Variants in SCAMP3 observed in about 807,000 individuals in gnomAD.
The protein encoded by SCAMP3 is secretory carrier membrane protein 3.
In SCAMP3, 30 loss-of-function variants were observed where a neutral mutation model predicts 44.1. That is an observed-to-expected ratio of 0.68 (90% CI 0.51 to 0.92). The LOEUF (loss-of-function observed/expected upper bound fraction) is 0.92, where lower values mean the gene tolerates loss of function less well. Among genes scored for constraint, SCAMP3 ranks in the 40% least tolerant of loss-of-function variants. SCAMP3 has a pLI of 0.00. For synonymous variants in SCAMP3, 168 were observed against 171.1 expected, an observed-to-expected ratio of 0.98 and a Z score of 0.14; for missense variants, 394 against 440.0, an observed-to-expected ratio of 0.90 and a Z score of 0.93.
Position 155,256,292 on chromosome 1 carries a change from T to C in SCAMP3, c.1025A>G (p.Asn342Ser). 6.3e-7 allele frequency: 1 copy of C among 1,582,482 alleles called. No homozygotes were observed. The highest frequency in any genetic ancestry group is 8.6e-7 in the Non-Finnish European group (1 of 1,159,954). ...CAGGGGTCACGGGGCCCGGAAGGCA[T>C]TTTCAGCAGCCCCAGCGGCTGCATT... Reference protein sequence around the residue: ...AANAAAGAAENAFRAP With the variant: ...AANAAAGAAESAFRAP The change falls in exon 9 of 9, where the codon AAT becomes AGT. Residue 342 changes from asparagine (N) to serine (S), a missense_variant. Asn to Ser is a conservative substitution (Grantham distance 46, BLOSUM62 1). Coordinates refer to ENST00000302631, the MANE Select transcript of SCAMP3 (RefSeq NM_005698.4).
intron 4 of SCAMP3, among the ~76,000 whole-genome samples, chr1:155,259,166 C>CTT (rs1165041017): frequency 1.5e-4 from 18 of 121,672 alleles, no homozygotes; most frequent in South Asian, 2.6e-4. Context: ...CCCACCTCAG[C>CTT]TTTTTTTTTT....
chr1:155,260,466 A>C lies in SCAMP3; in HGVS notation c.268-16T>G, dbSNP rs1455877667. 1 of 1,614,056 alleles carries C rather than the reference A, an allele frequency of 6.2e-7. No homozygotes were observed. The highest frequency in any genetic ancestry group is 8.5e-7 in the Non-Finnish European group (1 of 1,180,036). The stretch of plus-strand genomic sequence containing the variant: ...CAGCTGAGGCCTGCCCAGTGTGAGC[A>C]GACGGAGATGTGAGCCCTGGGCCCC... On this transcript the variant is annotated splice_polypyrimidine_tract_variant and intron_variant, in intron 3 of 8. Transcript: ENST00000302631.
chr1:155,262,113 C>G lies in SCAMP3; in HGVS notation c.39G>C (p.Glu13Asp). The change falls in exon 1 of 9, where the codon GAG (glutamate) becomes GAC (aspartate). Residue 13 changes from glutamate (E) to aspartate (D), a missense_variant. By Grantham distance (45) the Glu-to-Asp change is conservative (BLOSUM62 2). Coordinates refer to ENST00000302631, the MANE Select transcript of SCAMP3 (RefSeq NM_005698.4). Reference protein sequence around the residue: ...QSRDGGNPFAEPSELDNPFQD... With the variant: ...QSRDGGNPFADPSELDNPFQD... Reference sequence around the variant, plus strand: ...GAAAGGGGTTGTCAAGCTCGCTGGGCTCGGCGAACGGGTTTCCGCCGTCTC... The same window carrying G: ...GAAAGGGGTTGTCAAGCTCGCTGGGGTCGGCGAACGGGTTTCCGCCGTCTC... The G allele has an allele frequency of 1.2e-6, 2 of 1,614,164 alleles. No homozygotes were observed. Among genetic ancestry groups the G allele is most frequent in the Non-Finnish European group, 1.7e-6 (2 of 1,180,024 alleles).
At chr1:155,257,166 A>G (rs1186682371) in intron 7 of SCAMP3, 119 bp downstream of exon 7, 3 of 690,838 alleles carry the variant, frequency 4.3e-6, no homozygotes, top group Non-Finnish European at 7.6e-6. Flanking sequence ...GTATCTCATT[A>G]AACTAGTACC....
In SCAMP3 at chr1:155,261,653, T is replaced by A. The variant is rs781458671; in HGVS notation, c.144+4A>T. ...TTGAACTCCTATGCTCTCCAGTAGC[T>A]CACCTCCCGGGTCTCAAAAGGGTTG... On this transcript the variant is annotated splice_donor_region_variant and intron_variant, in intron 2 of 8. Transcript: ENST00000302631. 1.2e-6 allele frequency: 2 copies of A among 1,613,628 alleles called. No individual in the cohort carries two copies. The highest frequency in any genetic ancestry group is 1.7e-6 in the Non-Finnish European group (2 of 1,179,612).
At position 155,260,395 on chromosome 1, in the gene SCAMP3, C is replaced by T. The variant is rs1360088523; in HGVS notation, c.323G>A (p.Arg108Gln). Residue 108 changes from arginine to glutamine, a missense_variant, in exon 4 of 9, where the codon CGG (arginine) becomes CAG (glutamine). Arg to Gln is a conservative substitution (Grantham distance 43, BLOSUM62 1). Coordinates refer to ENST00000302631, the MANE Select transcript of SCAMP3 (RefSeq NM_005698.4). The part of the protein sequence containing the change: ...ELLKKQEELN[R>Q]KAEELDRRER... ...CCTTCGGTCCAACTCCTCTGCCTTC[C>T]GGTTGAGCTCCTCCTGTTTCTTCAG... 16 of 1,613,972 alleles carry T rather than the reference C, an allele frequency of 9.9e-6. No homozygotes were observed. The highest frequency in any genetic ancestry group is 4.4e-5 in the South Asian group (4 of 91,088).
chr1:155,256,819 G>T, intron 7 of SCAMP3, 28 bp from the exon 8 acceptor site: 1 of 1,573,840 alleles, frequency 6.4e-7, no homozygotes, highest in Non-Finnish European at 8.7e-7. Flanking sequence ...TACCAGTGAA[G>T]AGGGGCTCCT....
intron 2 of SCAMP3, among the ~76,000 whole-genome samples, chr1:155,260,952 G>A (rs1455531385): frequency 6.6e-6 from 1 of 151,516 alleles, no homozygotes; most frequent in African/African-American, 2.4e-5. Flanking sequence ...TGGAGTGTGG[G>A]GTTGTCTCTC....
chr1:155,260,507 C>A, intron 3 of SCAMP3, 30 bp downstream of exon 3: 1 of 1,614,188 alleles, frequency 6.2e-7, no homozygotes, highest in Non-Finnish European at 8.5e-7. Context: ...TGGCCCTTCT[C>A]CCCAGCCCTC....
intron 8 of SCAMP3, 105 bp downstream of exon 8, chr1:155,256,569 C>A: frequency 7.3e-7 from 1 of 1,366,818 alleles, no homozygotes; most frequent in Non-Finnish European, 1.0e-6. Context: ...TAGCTGAGAA[C>A]AACCCAGCAG....
chr1:155,261,691 G>A lies in SCAMP3; in HGVS notation c.110C>T (p.Thr37Met), dbSNP rs1672969181. The change falls in exon 2 of 9, where the codon ACG (threonine) becomes ATG (methionine). Residue 37 changes from threonine to methionine, a missense_variant. Physicochemically the swap from Thr to Met is moderately conservative, Grantham distance 81. Coordinates refer to ENST00000302631, the MANE Select transcript of SCAMP3 (RefSeq NM_005698.4). ...CTCAAAAGGGTTGTAGACGTCAAGC[G>A]TGGCATACTGCCGGCTGGGTCGGTG... ...IQHRPSRQYA[T>M]LDVYNPFETR... The A allele has an allele frequency of 2.5e-6, 4 of 1,614,098 alleles. No homozygotes were observed. The highest frequency in any genetic ancestry group is 3.4e-6 in the Non-Finnish European group (4 of 1,180,024).
intron 2 of SCAMP3, among the ~76,000 whole-genome samples, chr1:155,260,894 A>G (rs1263618358): frequency 6.7e-6 from 1 of 148,662 alleles, no homozygotes; most frequent in African/African-American, 2.5e-5. Context: ...CTCATTTACC[A>G]TATCTCCCCA....
rs1046188 is a variant in SCAMP3 at position 155,262,283 on chromosome 1, C to T, written c.-132G>A. On this transcript the variant is annotated 5_prime_UTR_variant, in exon 1 of 9. The change creates a new upstream start codon in the 5' untranslated region. Coordinates refer to ENST00000302631, the MANE Select transcript of SCAMP3 (RefSeq NM_005698.4). ...CTTCTCTGTGCACGGATTGGTTCCA[C>T]CGACCGGAAGGGCCACAAGGATCCC... 242,507 of 798,370 alleles carry T rather than the reference C, an allele frequency of 0.3. 43,589 individuals carry two copies. The highest frequency in any genetic ancestry group is 0.72 in the East Asian group (26,184 of 36,156). 49.5% of individuals were successfully genotyped at this position (798,370 alleles called of 1,614,324 possible).
Position 155,256,412 on chromosome 1 carries a change from G to A in SCAMP3, c.905C>T (p.Ser302Phe). Residue 302 changes from serine to phenylalanine, a missense_variant, in exon 9 of 9, where the codon TCC (serine) becomes TTC (phenylalanine). Ser to Phe is a radical substitution (Grantham distance 155). Transcript: ENST00000302631. Reference protein sequence around the residue: ...LGIVMLKRIHSLYRRTGASFQ... With the variant: ...LGIVMLKRIHFLYRRTGASFQ... ...GCTGGCACCTGTGCGGCGGTATAAG[G>A]AGTGGATCTGCAAGTAGAGGACAAA... The A allele has an allele frequency of 1.9e-6, 3 of 1,584,000 alleles. No individual in the cohort carries two copies. In the South Asian group the frequency reaches 3.4e-5, roughly 18 times the overall value.
intron 6 of SCAMP3, 31 bp from the exon 7 acceptor site, chr1:155,257,417 G>A (rs1557924900): frequency 6.2e-7 from 1 of 1,608,138 alleles, no homozygotes; most frequent in Non-Finnish European, 8.5e-7. Context: ...GGGAGGGTGG[G>A]AGAAGAATTA....
chr1:155,257,243 G>A, intron 7 of SCAMP3, 42 bp downstream of exon 7: 1 of 1,333,170 alleles, frequency 7.5e-7, no homozygotes, highest in Non-Finnish European at 1.1e-6. Flanking sequence ...GTGCTGGCTG[G>A]ATCTAGAGGG....
In SCAMP3 at chr1:155,257,624, G is replaced by C. The variant is rs1303647202; in HGVS notation, c.551C>G (p.Ala184Gly). Residue 184 changes from alanine (A) to glycine (G), a missense_variant, in exon 6 of 9, where the codon GCC (alanine) becomes GGC (glycine). Transcript: ENST00000302631. ...TTCCACACAGAAGCTGGCCAGGCAG[G>C]CGAGGAAGTTCAGGAGAAGAGCCAG... ...STLALLLNFL[A>G]CLASFCVETN... 2 of 1,572,524 alleles carry C rather than the reference G, an allele frequency of 1.3e-6. No individual in the cohort carries two copies. The highest frequency in any genetic ancestry group is 1.2e-5 in the South Asian group (1 of 86,466).
chr1:155,262,189 C>A lies in SCAMP3; in HGVS notation c.-38G>T. On this transcript the variant is annotated 5_prime_UTR_variant, in exon 1 of 9. Coordinates refer to ENST00000302631, the MANE Select transcript of SCAMP3 (RefSeq NM_005698.4). ...GGCCTCCGCGGCCCTCTGCCCTCCA[C>A]GCCCCTGCCGCAGCAGTGGCGGTAG... is the stretch of plus-strand genomic sequence containing the variant. 6.3e-7 allele frequency: 1 copy of A among 1,591,242 alleles called. No individual in the cohort carries two copies. The highest frequency in any genetic ancestry group is 8.6e-7 in the Non-Finnish European group (1 of 1,164,344).
At chr1:155,261,211 A>C (rs1353450360) in intron 2 of SCAMP3, 1 of 180,802 alleles carries the variant, frequency 5.5e-6, no homozygotes, top group Non-Finnish European at 1.2e-5. Flanking sequence ...ACAGGCATGC[A>C]CACCATGCTT....
Sources: gnomAD v4.1 joint callset for allele counts (sites outside exome capture counted in the v4.1 genomes callset) on GRCh38, gnomAD v4.1.1 for gene constraint, MANE v1.5 for transcripts, NCBI Gene and HGNC (gene_info 2026-07-23, HGNC 2026-07-21) for gene names.